Variants in CDK12 observed in about 807,000 individuals in gnomAD.
CDK12 encodes the protein cyclin-dependent kinase 12.
In CDK12, 17 loss-of-function variants were observed where a neutral mutation model predicts 133.8. The ratio of observed to expected loss-of-function variants is 0.13; its 90% CI spans 0.09 to 0.19. The LOEUF (loss-of-function observed/expected upper bound fraction) is 0.19. Ranked by LOEUF, CDK12 falls within the 10% of genes least tolerant of loss-of-function variation. The pLI is 1.00. For synonymous variants in CDK12, 694 were observed against 683.6 expected, an observed-to-expected ratio of 1.02 and a Z score of -0.24; for missense variants, 1,508 against 1,818.7, an observed-to-expected ratio of 0.83 and a Z score of 3.11.
intron 7 of CDK12, among the ~76,000 whole-genome samples, 163 bp from the exon 8 acceptor site, chr17:39,511,366 C>T (rs1434227970): frequency 3.9e-5 from 6 of 152,032 alleles, no homozygotes; most frequent in Non-Finnish European, 4.4e-5. Context: ...ATTTCTTCAT[C>T]TCCTACTTCT....
In CDK12 at chr17:39,532,472, CAAAA is replaced by C. The variant is rs1377136834; in HGVS notation, c.*1158_*1161del. ...ATATATTTTTATGTCAAAAAAAAAA[CAAAA>C]ACCTTTCAAACAGAGCATTGTGATA... On this transcript the variant is annotated 3_prime_UTR_variant, in exon 14 of 14. Coordinates refer to ENST00000447079, the MANE Select transcript of CDK12 (RefSeq NM_016507.4). 2 of 227,722 alleles carry C rather than the reference CAAAA, an allele frequency of 8.8e-6. No homozygotes were observed. Among genetic ancestry groups the C allele is most frequent in the Admixed American group, 1.1e-4 (2 of 17,504 alleles). The allele number at this position is 227,722 out of a possible 1,614,324, so 14.1% of individuals were successfully genotyped here.
chr17:39,491,784 T>G (rs2051626012), intron 3 of CDK12, among the ~76,000 whole-genome samples: 1 of 150,972 alleles, frequency 6.6e-6, no homozygotes, highest in East Asian at 2.0e-4. Context: ...GCTGTGTGTT[T>G]ATATATTTCA....
At chr17:39,560,422 T>G (rs1302174396) in intron 3 of CDK12, among the ~76,000 whole-genome samples, 1 of 152,232 alleles carries the variant, frequency 6.6e-6, no homozygotes. Context: ...ATTATTAAAC[T>G]TCTTAATTGG....
chr17:39,520,044 G>A lies in CDK12; in HGVS notation c.3052G>A (p.Asp1018Asn), dbSNP rs752787823. 2.4e-5 allele frequency: 39 copies of A among 1,613,882 alleles called. No individual in the cohort carries two copies. The highest frequency in any genetic ancestry group is 3.3e-4 in the Middle Eastern group (2 of 6,080). Residue 1018 changes from aspartate to asparagine, a missense_variant, in exon 11 of 14, where the codon GAC becomes AAC. Transcript: ENST00000447079. The part of the protein sequence containing the change: ...RCTAEQTLQS[D>N]FLKDVELSKM... ...CACAGCTGAACAGACCCTACAGAGC[G>A]ACTTCCTTAAAGATGTCGAACTCAG...
chr17:39,474,329 T>A lies in CDK12; in HGVS notation c.1931+2566T>A, dbSNP rs1378152497. 3.8e-4 allele frequency among the ~76,000 whole-genome samples: 58 copies of A among 152,168 alleles called. 2 individuals are homozygous for A. Among genetic ancestry groups the A allele is most frequent in the Admixed American group, 3.8e-3 (58 of 15,240 alleles). ...GGTGATAATTGTAATTTTATTTCATTTTATTTTGAGACAGGATCTGGCTCT... is the reference window on the plus strand; with the variant it reads ...GGTGATAATTGTAATTTTATTTCATATTATTTTGAGACAGGATCTGGCTCT... On this transcript the variant is annotated intron_variant, in intron 2 of 13. Transcript: ENST00000447079.
chr17:39,471,413 A>G lies in CDK12; in HGVS notation c.1581A>G (p.Pro527=). ...AAACATCAGAAAAGGAGACCCCTCC[A>G]CCTCTTCCCACAATTGCTTCTCCCC... The part of the protein sequence containing the change: ...ETETSEKETP[P]PLPTIASPPP... The change falls in exon 2 of 14, where the codon CCA becomes CCG. Residue 527 remains proline (P), a synonymous_variant. Coordinates refer to ENST00000447079, the MANE Select transcript of CDK12 (RefSeq NM_016507.4). 1 of 1,613,740 alleles carries G rather than the reference A, an allele frequency of 6.2e-7. No homozygotes were observed. Among genetic ancestry groups the G allele is most frequent in the Non-Finnish European group, 8.5e-7 (1 of 1,179,824 alleles).
intron 1 of CDK12, among the ~76,000 whole-genome samples, chr17:39,465,629 C>T (rs940703722): frequency 6.6e-6 from 1 of 151,850 alleles, no homozygotes; most frequent in East Asian, 1.9e-4. Context: ...GCTGGAATTA[C>T]AAGCGCCCAC....
rs1415119417 is a variant in CDK12, at chr17:39,494,709, T to C, written c.2419+15T>C. On this transcript the variant is annotated intron_variant, in intron 5 of 13. Transcript: ENST00000447079. ...GAAGGACAAAGGTACTAGCAAAGAATCACATTTTTACAGGGTAGACTGGTC... is the reference window on the plus strand; with the variant it reads ...GAAGGACAAAGGTACTAGCAAAGAACCACATTTTTACAGGGTAGACTGGTC... 6.5e-7 allele frequency: 1 copy of C among 1,544,604 alleles called. No homozygotes were observed. The highest frequency in any genetic ancestry group is 8.8e-7 in the Non-Finnish European group (1 of 1,139,838).
At chr17:39,520,813 A>G (rs1210217264) in intron 11 of CDK12, among the ~76,000 whole-genome samples, 3 of 152,004 alleles carry the variant, frequency 2.0e-5, no homozygotes, top group Non-Finnish European at 4.4e-5. Context: ...GGTGCCTGCC[A>G]CCACACCCGG....
At chr17:39,502,660 CATTT>C (rs1321577859) in intron 6 of CDK12, among the ~76,000 whole-genome samples, 1 of 152,066 alleles carries the variant, frequency 6.6e-6, no homozygotes, top group Admixed American at 6.6e-5. Context: ...ATTCAGTAAA[CATTT>C]ATTAAGGTCA....
intron 2 of CDK12, among the ~76,000 whole-genome samples, chr17:39,483,193 G>T (rs1194937247): frequency 6.6e-6 from 1 of 152,010 alleles, no homozygotes; most frequent in Non-Finnish European, 1.5e-5. Flanking sequence ...CATTACAGGC[G>T]TGAGCCACCT....
At chr17:39,518,096 G>T (rs547547823) in intron 10 of CDK12, among the ~76,000 whole-genome samples, 2 of 151,882 alleles carry the variant, frequency 1.3e-5, no homozygotes, top group Non-Finnish European at 2.9e-5. Flanking sequence ...TCCTGCCTCA[G>T]CCTCCCAATG....
At chr17:39,563,675 G>T (rs546454449) in intron 3 of CDK12, among the ~76,000 whole-genome samples, 1 of 152,082 alleles carries the variant, frequency 6.6e-6, no homozygotes, top group African/African-American at 2.4e-5. Context: ...TCGCAGCACC[G>T]CCTGCGGAAA....
chr17:39,475,584 G>A (rs908803499), intron 2 of CDK12, among the ~76,000 whole-genome samples: 1 of 146,152 alleles, frequency 6.8e-6, no homozygotes, highest in Non-Finnish European at 1.5e-5. Flanking sequence ...GTCTCACACT[G>A]TTGTCCGGGC....
chr17:39,555,340 C>G (rs1406273229), intron 2 of CDK12, among the ~76,000 whole-genome samples: 1 of 151,978 alleles, frequency 6.6e-6, no homozygotes, highest in Non-Finnish European at 1.5e-5. Context: ...TGTGACAGAG[C>G]CTGAGTTCTC....
At chr17:39,528,378 G>A (rs937395101) in intron 13 of CDK12, among the ~76,000 whole-genome samples, 4 of 152,074 alleles carry the variant, frequency 2.6e-5, no homozygotes, top group Non-Finnish European at 5.9e-5. Context: ...CTGTCACCCA[G>A]GCTGGAGTGC....
chr17:39,537,809 G>A (rs34079604), downstream of CDK12, among the ~76,000 whole-genome samples: 10 of 151,940 alleles, frequency 6.6e-5, no homozygotes, highest in South Asian at 8.3e-4. Flanking sequence ...TGATCCACCC[G>A]CCTCGGCCTC....
intron 8 of CDK12, among the ~76,000 whole-genome samples, chr17:39,513,890 G>A (rs1012949868): frequency 1.3e-5 from 2 of 152,062 alleles, no homozygotes; most frequent in African/African-American, 2.4e-5. Context: ...AATTAGAATC[G>A]AGGAGAAACT....
intron 2 of CDK12, among the ~76,000 whole-genome samples, chr17:39,477,824 T>C (rs1242771476): frequency 2.6e-5 from 4 of 151,796 alleles, no homozygotes; most frequent in Non-Finnish European, 4.4e-5. Context: ...CTGCCCACCT[T>C]GGCCTCCCAA....
Sources: allele counts gnomAD v4.1 joint callset (sites outside exome capture counted in the v4.1 genomes callset), GRCh38; gene constraint gnomAD v4.1.1; transcripts MANE v1.5; gene names NCBI Gene and HGNC (gene_info 2026-07-23, HGNC 2026-07-21).